Variants in CDH18 observed in about 807,000 individuals in gnomAD.
The protein encoded by CDH18 is cadherin-18.
CDH18 carries 31 observed loss-of-function variants against 67.9 expected under a neutral mutation model. The observed-to-expected ratio is 0.46, with a 90% CI of 0.34 to 0.62. CDH18 has a LOEUF of 0.62. Among genes scored for constraint, CDH18 ranks in the 20% least tolerant of loss-of-function variants. CDH18 has a pLI of 0.01. For missense variants in CDH18, 890 were observed against 975.5 expected, an observed-to-expected ratio of 0.91 and a Z score of 1.17; for synonymous variants, 362 against 347.2, an observed-to-expected ratio of 1.04 and a Z score of -0.48.
intron 5 of CDH18, among the ~76,000 whole-genome samples, chr5:19,718,443 ATGTT>A (rs1157764102): frequency 6.6e-6 from 1 of 151,924 alleles, no homozygotes. Flanking sequence ...GATTTTCAGT[ATGTT>A]TGTATTTTAT....
At chr5:19,836,906 TG>T (rs2150016917) in intron 3 of CDH18, among the ~76,000 whole-genome samples, 1 of 152,270 alleles carries the variant, frequency 6.6e-6, no homozygotes, top group East Asian at 1.9e-4. Flanking sequence ...ATCCCATTAC[TG>T]GGTATATACC....
intron 1 of CDH18, among the ~76,000 whole-genome samples, chr5:20,423,161 C>A (rs1037842942): frequency 6.6e-6 from 1 of 151,332 alleles, no homozygotes; most frequent in African/African-American, 2.5e-5. Flanking sequence ...GTCTCCTTCT[C>A]CAGTTCAGCT....
intron 2 of CDH18, among the ~76,000 whole-genome samples, chr5:20,199,730 C>A (rs115977292): frequency 2.9e-3 from 440 of 152,224 alleles, no homozygotes; most frequent in African/African-American, 9.3e-3. Context: ...GAATTGTAAT[C>A]TCCATAATCC....
At position 19,772,509 on chromosome 5, in the gene CDH18, A is replaced by C. The variant is rs530232824; in HGVS notation, c.229-25273T>G. Among the ~76,000 whole-genome samples, 6 of 152,304 alleles carry C rather than the reference A, an allele frequency of 3.9e-5. No individual in the cohort carries two copies. In the East Asian group the frequency reaches 1.2e-3, roughly 29 times the overall value. ...GGAATTCAGGCTTCTAAAAGCTGAAAAAAAACAGAATCTCCTTTAGAGTCT... is the reference window on the plus strand; with the variant it reads ...GGAATTCAGGCTTCTAAAAGCTGAACAAAAACAGAATCTCCTTTAGAGTCT... On this transcript the variant is annotated intron_variant, in intron 3 of 12. Transcript: ENST00000382275.
At chr5:20,401,145 C>T (rs1745735704) in intron 1 of CDH18, among the ~76,000 whole-genome samples, 1 of 152,136 alleles carries the variant, frequency 6.6e-6, no homozygotes, top group South Asian at 2.1e-4. Flanking sequence ...TCAATTATAA[C>T]AACTGTCTTG....
chr5:19,918,416 C>T (rs982476030), intron 2 of CDH18, among the ~76,000 whole-genome samples: 3 of 152,068 alleles, frequency 2.0e-5, no homozygotes, highest in Non-Finnish European at 2.9e-5. Context: ...ATACATAGAA[C>T]CTTTGGAAAA....
At chr5:20,030,585 A>G (rs1739310770) in intron 2 of CDH18, among the ~76,000 whole-genome samples, 1 of 152,202 alleles carries the variant, frequency 6.6e-6, no homozygotes, top group Non-Finnish European at 1.5e-5. Context: ...AAAAAAGCAG[A>G]AAACAAAAGA....
chr5:20,309,067 T>C (rs918722109), intron 1 of CDH18, among the ~76,000 whole-genome samples: 5 of 152,210 alleles, frequency 3.3e-5, no homozygotes, highest in African/African-American at 1.2e-4. Context: ...ATAAGAAAAC[T>C]AAACACACAT....
At chr5:19,896,529 G>C (rs530214338) in intron 2 of CDH18, among the ~76,000 whole-genome samples, 83 of 152,232 alleles carry the variant, frequency 5.5e-4, no homozygotes, top group African/African-American at 1.8e-3. Flanking sequence ...GCCACTGGGA[G>C]CTGGAAGGCC....
At chr5:19,705,221 T>G (rs2150500131) in intron 5 of CDH18, among the ~76,000 whole-genome samples, 1 of 152,300 alleles carries the variant, frequency 6.6e-6, no homozygotes, top group Admixed American at 6.5e-5. Flanking sequence ...CTTGCAAAAT[T>G]TGATTTCTCA....
At chr5:19,835,972 G>C (rs1415039220) in intron 3 of CDH18, among the ~76,000 whole-genome samples, 1 of 152,050 alleles carries the variant, frequency 6.6e-6, no homozygotes, top group Non-Finnish European at 1.5e-5. Context: ...GGCACCATAT[G>C]TTCATTCAAT....
intron 8 of CDH18, among the ~76,000 whole-genome samples, chr5:19,549,731 A>AAG (rs145139737): frequency 0.1 from 15,532 of 149,720 alleles, 1,215 homozygotes; most frequent in African/African-American, 0.22. Flanking sequence ...GGAAGGAAGA[A>AAG]AGAGAAAGAG....
intron 2 of CDH18, among the ~76,000 whole-genome samples, chr5:20,030,786 A>G (rs1739328572): frequency 6.6e-6 from 1 of 152,140 alleles, no homozygotes; most frequent in Admixed American, 6.6e-5. Flanking sequence ...ACACTATCTG[A>G]AAGAAAGTGG....
At chr5:20,177,521 T>C (rs1345076492) in intron 2 of CDH18, among the ~76,000 whole-genome samples, 2 of 152,136 alleles carry the variant, frequency 1.3e-5, no homozygotes, top group African/African-American at 4.8e-5. Context: ...TGATGGTTAA[T>C]TTTATGTGTC....
chr5:20,228,390 G>T (rs1741805901), intron 2 of CDH18, among the ~76,000 whole-genome samples: 1 of 151,954 alleles, frequency 6.6e-6, no homozygotes, highest in African/African-American at 2.4e-5. Context: ...ACAACATGAT[G>T]TATTAAAGTA....
At chr5:19,999,873 C>G (rs1736306237) in intron 2 of CDH18, among the ~76,000 whole-genome samples, 1 of 152,160 alleles carries the variant, frequency 6.6e-6, no homozygotes, top group South Asian at 2.1e-4. Context: ...TCACTTCTAC[C>G]AATCCAATGA....
intron 3 of CDH18, among the ~76,000 whole-genome samples, chr5:19,779,018 C>T (rs1037440619): frequency 6.6e-6 from 1 of 152,088 alleles, no homozygotes; most frequent in Non-Finnish European, 1.5e-5. Context: ...TTTCATCCAC[C>T]TGGCTAGGAA....
intron 1 of CDH18, among the ~76,000 whole-genome samples, chr5:20,437,566 T>A (rs1017930940): frequency 6.6e-6 from 1 of 151,346 alleles, no homozygotes; most frequent in Admixed American, 6.6e-5. Flanking sequence ...TGAAAACTGA[T>A]ATTTTCAATT....
rs993599696 is a variant in CDH18 at position 20,411,529 on chromosome 5, G to T, written c.-579-156024C>A. Among the ~76,000 whole-genome samples the T allele has an allele frequency of 3.3e-5, 5 of 152,018 alleles. No homozygotes were observed. In the South Asian group the frequency reaches 1.0e-3, roughly 31 times the overall value. On this transcript the variant is annotated intron_variant, in intron 1 of 14. Coordinates refer to the CDH18 transcript ENST00000507958. The stretch of plus-strand genomic sequence containing the variant: ...AGAGGAAAAGCTTCATGACTTTGCT[G>T]TTGGCAACGAATCCATGGATTTCCT...
Sources: allele counts gnomAD v4.1 joint callset (sites outside exome capture counted in the v4.1 genomes callset), GRCh38; gene constraint gnomAD v4.1.1; transcripts MANE v1.5; gene names NCBI Gene and HGNC (gene_info 2026-07-23, HGNC 2026-07-21).